PARD3: variants seen among roughly 807,000 people sequenced by gnomAD.
PARD3 encodes partitioning defective 3 homolog.
A neutral mutation model predicts 155.4 loss-of-function variants in PARD3; 75 were observed. The observed-to-expected ratio is 0.48, with a 90% confidence interval of 0.40 to 0.58. PARD3 has a LOEUF of 0.58. Ranked by LOEUF, PARD3 falls within the 20% of genes least tolerant of loss-of-function variation. The probability of loss-of-function intolerance (pLI) is 0.00; values close to 1 mark genes in which losing one functional copy is unlikely to be tolerated. For synonymous variants in PARD3, 576 were observed against 610.5 expected, an observed-to-expected ratio of 0.94 and a Z score of 0.83; for missense variants, 1,642 against 1,721.7, an observed-to-expected ratio of 0.95 and a Z score of 0.82.
chr10:34,607,851 A>G (rs1276374244), intron 2 of PARD3, among the ~76,000 whole-genome samples: 2 of 152,228 alleles, frequency 1.3e-5, no homozygotes, highest in Non-Finnish European at 2.9e-5. Context: ...TTCACCTAAC[A>G]TCAGATCAGA....
intron 1 of PARD3, among the ~76,000 whole-genome samples, chr10:34,731,480 T>A (rs1032468270): frequency 5.9e-5 from 9 of 152,218 alleles, no homozygotes; most frequent in African/African-American, 2.2e-4. Context: ...TCCAAGTTTG[T>A]CTGAAAGCAA....
chr10:34,554,507 G>T (rs1275407128), intron 2 of PARD3, among the ~76,000 whole-genome samples: 1 of 152,140 alleles, frequency 6.6e-6, no homozygotes, highest in East Asian at 1.9e-4. Flanking sequence ...AAGTTAAAAT[G>T]TCTAGCACAT....
intron 2 of PARD3, among the ~76,000 whole-genome samples, chr10:34,678,765 G>A (rs1488739004): frequency 6.6e-6 from 1 of 151,598 alleles, no homozygotes. Context: ...ATAATATTAA[G>A]GAGTAAACAC....
At chr10:34,417,279 A>C (rs1363567543) in intron 5 of PARD3, among the ~76,000 whole-genome samples, 1 of 152,238 alleles carries the variant, frequency 6.6e-6, no homozygotes, top group Non-Finnish European at 1.5e-5. Flanking sequence ...AGCGGGAAGG[A>C]AGAATCCATC....
At chr10:34,383,987 A>T (rs1842106403) in intron 8 of PARD3, 142 bp downstream of exon 8, 1 of 726,542 alleles carries the variant, frequency 1.4e-6, no homozygotes, top group Admixed American at 2.7e-5. Flanking sequence ...GAGTATGTTT[A>T]AATTTTTAAA....
At chr10:34,289,404 G>A (rs1348194641) in intron 20 of PARD3, among the ~76,000 whole-genome samples, 2 of 152,104 alleles carry the variant, frequency 1.3e-5, no homozygotes, top group East Asian at 3.9e-4. Context: ...TGGCCAGGCT[G>A]GTCTCAAACT....
chr10:34,348,167 TTAGCAGCATGGGAGAATTA>T, intron 14 of PARD3, 52 bp from the exon 15 acceptor site: 1 of 1,494,028 alleles, frequency 6.7e-7, no homozygotes, highest in Non-Finnish European at 9.0e-7. Flanking sequence ...TGGAGGCCAA[TTAGCAGCATGGGAGAATTA>T]TAACAACTTG....
intron 4 of PARD3, among the ~76,000 whole-genome samples, chr10:34,452,707 T>C (rs924250811): frequency 6.6e-6 from 1 of 152,154 alleles, no homozygotes; most frequent in African/African-American, 2.4e-5. Context: ...TTTCACCACG[T>C]CCTACCCTGA....
chr10:34,639,036 T>A (rs2092579698), intron 2 of PARD3, among the ~76,000 whole-genome samples: 1 of 152,236 alleles, frequency 6.6e-6, no homozygotes, highest in Non-Finnish European at 1.5e-5. Flanking sequence ...TAAAATTTCC[T>A]CTGTTCTCAA....
chr10:34,394,033 T>C (rs1450677645), intron 7 of PARD3, among the ~76,000 whole-genome samples: 1 of 151,892 alleles, frequency 6.6e-6, no homozygotes, highest in Admixed American at 6.6e-5. Context: ...AGATGGGGCT[T>C]CACCATGTTG....
At position 34,557,245 on chromosome 10, in the gene PARD3, G is replaced by T. The variant is rs74928532; in HGVS notation, c.223-40086C>A. On this transcript the variant is annotated intron_variant, in intron 2 of 24. Coordinates refer to ENST00000374788, the MANE Select transcript of PARD3 (RefSeq NM_001184785.2). ...AAAAATAGGTTATAACCAACCAAGC[G>T]ACTTGACAAGAGGGAGTGTGCTCTA... 2.2e-4 allele frequency among the ~76,000 whole-genome samples: 33 copies of T among 152,244 alleles called. No homozygotes were observed. The East Asian group carries it at 5.8e-3, about 27-fold the overall frequency.
intron 22 of PARD3, among the ~76,000 whole-genome samples, chr10:34,259,724 T>G (rs1461078064): frequency 6.6e-6 from 1 of 152,108 alleles, no homozygotes; most frequent in African/African-American, 2.4e-5. Flanking sequence ...CTACATCAAA[T>G]GTATTAATAA....
chr10:34,463,107 T>C lies in PARD3; in HGVS notation c.582+6978A>G, dbSNP rs1362639804. Among the ~76,000 whole-genome samples the C allele has an allele frequency of 7.9e-5, 4 of 50,562 alleles. No homozygotes were observed. The Admixed American group carries it at 1.1e-3, about 14-fold the overall frequency. 33.2% of individuals were successfully genotyped at this position (50,562 alleles called of 152,430 possible). A position where few individuals can be genotyped will look rare whatever the true frequency, so the allele number is the denominator to read the frequency against. On this transcript the variant is annotated intron_variant, in intron 4 of 24. Transcript: ENST00000374788. Reference sequence around the variant, plus strand: ...AGGGAAGAGGAAAGGAATGGGAAAGTGAAGGGGAAGAAAAGGAAAGGAAAA... The same window carrying C: ...AGGGAAGAGGAAAGGAATGGGAAAGCGAAGGGGAAGAAAAGGAAAGGAAAA...
intron 1 of PARD3, among the ~76,000 whole-genome samples, chr10:34,756,475 T>TTTTTA (rs1564585626): frequency 1.2e-5 from 1 of 83,776 alleles, no homozygotes. Context: ...TTTTTTTTCT[T>TTTTTA]ATAAAAAAAA....
chr10:34,470,452 C>T (rs188430322), intron 3 of PARD3, among the ~76,000 whole-genome samples, 189 bp from the exon 4 acceptor site: 81 of 152,246 alleles, frequency 5.3e-4, no homozygotes, highest in African/African-American at 1.9e-3. Context: ...GAAAGAGATG[C>T]GGTCAAGTGT....
At chr10:34,765,396 G>A (rs1384471565) in intron 1 of PARD3, among the ~76,000 whole-genome samples, 6 of 151,920 alleles carry the variant, frequency 3.9e-5, no homozygotes, top group African/African-American at 1.2e-4. Context: ...GGGCTTCTTC[G>A]GCCAGGTGCA....
At chr10:34,214,330 T>C (rs535639038) in intron 22 of PARD3, among the ~76,000 whole-genome samples, 5 of 152,350 alleles carry the variant, frequency 3.3e-5, no homozygotes, top group South Asian at 2.1e-4. Context: ...TTGCCATTAT[T>C]AGTCTGGCTA....
At chr10:34,288,594 G>A (rs943903475) in intron 20 of PARD3, among the ~76,000 whole-genome samples, 2 of 152,092 alleles carry the variant, frequency 1.3e-5, no homozygotes, top group East Asian at 1.9e-4. Context: ...ACATATACTC[G>A]CAAAGACAGT....
chr10:34,307,582 C>G (rs115594085), intron 20 of PARD3, among the ~76,000 whole-genome samples: 1 of 152,110 alleles, frequency 6.6e-6, no homozygotes, highest in Non-Finnish European at 1.5e-5. Flanking sequence ...GCTATAAACC[C>G]AAGGGCCATG....
Sources: gnomAD v4.1 joint callset for allele counts (sites outside exome capture counted in the v4.1 genomes callset) on GRCh38, gnomAD v4.1.1 for gene constraint, MANE v1.5 for transcripts, NCBI Gene and HGNC (gene_info 2026-07-23, HGNC 2026-07-21) for gene names.